The following DHRS4L2 variants were observed in gnomAD, a reference collection of about 807,000 sequenced individuals.
The protein encoded by DHRS4L2 is dehydrogenase/reductase 4 like 2.
A neutral mutation model predicts 23.9 loss-of-function variants in DHRS4L2; 22 were observed. The observed-to-expected ratio is 0.92, with a 90% CI of 0.66 to 1.31. The LOEUF is 1.31. DHRS4L2 is among the 40% of genes most tolerant of loss of function. DHRS4L2 has a pLI of 0.00. For missense variants in DHRS4L2, 385 were observed against 303.3 expected (o/e 1.27, Z -2.00); for synonymous variants, 141 against 123.7 (o/e 1.14, Z -0.93).
chr14:23,989,656 C>A (rs1317597367), intron 1 of DHRS4L2, among the ~76,000 whole-genome samples: 1 of 151,614 alleles, frequency 6.6e-6, no homozygotes, highest in Non-Finnish European at 1.5e-5. Context: ...AACTAAAATA[C>A]AAATGTAGAT....
At position 23,981,727 on chromosome 14, in the gene DHRS4L2, T is replaced by C. The variant is rs757034959; in HGVS notation, c.-175-8455T>C. On this transcript the variant is annotated intron_variant, in intron 1 of 5. Coordinates refer to the DHRS4L2 transcript ENST00000534993. ...GGAATGCAGCAGAAGAGCAGGGTGA[T>C]AGTGGGGAGAAAGTCAGCAAGAAAA... Among the ~76,000 whole-genome samples, 2 of 151,600 alleles carry C rather than the reference T, an allele frequency of 1.3e-5. 1 individual carries two copies. Among genetic ancestry groups the C allele is most frequent in the Non-Finnish European group, 2.9e-5 (2 of 67,894 alleles).
Position 24,004,274 on chromosome 14 carries a change from A to AG in DHRS4L2, c.666-63_666-62insG, listed in dbSNP as rs2034528422. ...AAAGAGCAAGACTCCGTCTCTAAAA[A>AG]AAAAAAAAAAAAAAGAAAGGAAAAG... is the stretch of plus-strand genomic sequence containing the variant. On this transcript the variant is annotated intron_variant, in intron 6 of 7. Coordinates refer to ENST00000335125, the MANE Select transcript of DHRS4L2 (RefSeq NM_198083.4). The AG allele has an allele frequency of 1.0e-5, 15 of 1,474,994 alleles. No individual in the cohort carries two copies. The South Asian group carries it at 1.1e-4, about 11-fold the overall frequency. The allele number at this position is 1,474,994 out of a possible 1,614,324, so 91.4% of individuals were successfully genotyped here. A position where few individuals can be genotyped will look rare whatever the true frequency, so the allele number is the denominator to read the frequency against.
upstream of DHRS4L2, among the ~76,000 whole-genome samples, chr14:23,985,030 T>C (rs1448154985): frequency 6.6e-6 from 1 of 151,340 alleles, no homozygotes; most frequent in Non-Finnish European, 1.5e-5. Flanking sequence ...CTTGACTTAG[T>C]GTAGGCTTGT....
intron 1 of DHRS4L2, among the ~76,000 whole-genome samples, chr14:23,982,511 C>G (rs1240986601): frequency 6.7e-6 from 1 of 149,130 alleles, no homozygotes; most frequent in Admixed American, 6.6e-5. Context: ...CAATCCAAAG[C>G]AAAAAGAACA....
At position 24,005,950 on chromosome 14, in the gene DHRS4L2, A is replaced by G; in HGVS notation, c.*87A>G. 1.2e-6 allele frequency: 2 copies of G among 1,611,830 alleles called. No homozygotes were observed. The highest frequency in any genetic ancestry group is 8.5e-7 in the Non-Finnish European group (1 of 1,179,198). ...CCTGTGCTCTGAAGATGCCAGCTACATCACTGGGGAAACAGTGGTGGTGGG... is the reference window on the plus strand; with the variant it reads ...CCTGTGCTCTGAAGATGCCAGCTACGTCACTGGGGAAACAGTGGTGGTGGG... On this transcript the variant is annotated 3_prime_UTR_variant, in exon 8 of 8. Coordinates refer to ENST00000335125, the MANE Select transcript of DHRS4L2 (RefSeq NM_198083.4).
intron 3 of DHRS4L2, among the ~76,000 whole-genome samples, chr14:23,999,344 TAAAAAAAAAAAAAAA>T (rs71426825): frequency 7.5e-5 from 4 of 53,678 alleles, no homozygotes; most frequent in South Asian, 9.2e-4. Context: ...CTCCAATTTG[TAAAAAAAAAAAAAAA>T]AAAAAAAAAA....
chr14:23,974,766 C>T (rs1011562011), intron 1 of DHRS4L2, among the ~76,000 whole-genome samples: 9 of 151,712 alleles, frequency 5.9e-5, no homozygotes, highest in South Asian at 2.1e-4. Context: ...AATAGCCTAC[C>T]AAACCAAAAA....
At chr14:23,970,919 T>TAGCATCAACATCAGCAAAGGAC (rs1566483387) in intron 1 of DHRS4L2, among the ~76,000 whole-genome samples, 2 of 151,980 alleles carry the variant, frequency 1.3e-5, no homozygotes, top group African/African-American at 4.8e-5. Context: ...CAGAAAGGAA[T>TAGCATCAACATCAGCAAAGGAC]AGCATCAACA....
chr14:24,005,825 C>T, intron 7 of DHRS4L2, 61 bp from the exon 8 acceptor site: 1 of 1,597,988 alleles, frequency 6.3e-7, no homozygotes, highest in South Asian at 1.1e-5. Flanking sequence ...CCCCGTGTCC[C>T]AGGTGAGGGA....
chr14:23,999,509 A>G lies in DHRS4L2; in HGVS notation c.409-1354A>G, dbSNP rs1277717131. Among the ~76,000 whole-genome samples the G allele has an allele frequency of 3.3e-5, 5 of 149,780 alleles. No individual in the cohort carries two copies. In the East Asian group the frequency reaches 9.7e-4, roughly 29 times the overall value. On this transcript the variant is annotated intron_variant, in intron 3 of 7. Coordinates refer to ENST00000335125, the MANE Select transcript of DHRS4L2 (RefSeq NM_198083.4). Reference sequence around the variant, plus strand: ...TTGAACTCTGGACTTTAAAAAACACACACACACATTTGGGGGATAATTGAG... The same window carrying G: ...TTGAACTCTGGACTTTAAAAAACACGCACACACATTTGGGGGATAATTGAG...
rs189820550 is a variant in DHRS4L2 at position 23,983,581 on chromosome 14, C to T, written c.-175-6601C>T. 8.1e-4 allele frequency among the ~76,000 whole-genome samples: 123 copies of T among 151,804 alleles called. 1 individual carries two copies. The highest frequency in any genetic ancestry group is 2.5e-3 in the Admixed American group (38 of 15,266). ...ATTCTACTATAAAGACACATGCACA[C>T]ATATGCTTATTGCAGCACTGTTCAC... On this transcript the variant is annotated intron_variant, in intron 1 of 5. Transcript: ENST00000534993.
intron 6 of DHRS4L2, 51 bp downstream of exon 6, chr14:24,001,568 T>A (rs2034491130): frequency 6.3e-7 from 1 of 1,586,828 alleles, no homozygotes; most frequent in African/African-American, 1.5e-5. Flanking sequence ...AAGGCATCCA[T>A]CTTCTTGGAC....
chr14:24,004,428 T>G (rs199962599), intron 7 of DHRS4L2, 36 bp downstream of exon 7: 10 of 1,549,868 alleles, frequency 6.5e-6, no homozygotes, highest in African/African-American at 1.5e-5. Flanking sequence ...CTAAGAGACA[T>G]GAAGATGGGA....
chr14:23,993,589 CTTG>C (rs112010618), intron 2 of DHRS4L2, among the ~76,000 whole-genome samples: 3,368 of 151,650 alleles, frequency 0.022, 104 homozygotes, highest in Middle Eastern at 0.054. Flanking sequence ...ACTGAAAACC[CTTG>C]TTGGCAGATT....
Position 24,004,360 on chromosome 14 carries a change from G to C in DHRS4L2, c.689G>C (p.Arg230Thr). ...AGCTCTGGATGGACAAGGAAAAAGA[G>C]GAAAGCATGAAAGAAACCCTGCGGA... The part of the protein sequence containing the change: ...AGCSGWTRKK[R>T]KA Residue 230 changes from arginine to threonine, a missense_variant, in exon 7 of 8, where the codon AGG (arginine) becomes ACG (threonine). Physicochemically the swap from Arg to Thr is moderately conservative, Grantham distance 71. Transcript: ENST00000335125. 3.7e-6 allele frequency: 6 copies of C among 1,603,984 alleles called. No individual in the cohort carries two copies. Among genetic ancestry groups the C allele is most frequent in the Non-Finnish European group, 5.1e-6 (6 of 1,178,598 alleles).
In DHRS4L2 at chr14:23,982,011, C is replaced by T. The variant is rs570777044; in HGVS notation, c.-175-8171C>T. Reference sequence around the variant, plus strand: ...GGGCAGGCAGGAGACAGTGGCCTTCCTCTATCTCAACTGCAAGAGGCCTTC... The same window carrying T: ...GGGCAGGCAGGAGACAGTGGCCTTCTTCTATCTCAACTGCAAGAGGCCTTC... On this transcript the variant is annotated intron_variant, in intron 1 of 5. Transcript: ENST00000534993. Among the ~76,000 whole-genome samples, 127 of 151,658 alleles carry T rather than the reference C, an allele frequency of 8.4e-4. 1 individual carries two copies. Among genetic ancestry groups the T allele is most frequent in the African/African-American group, 3.0e-3 (125 of 41,370 alleles).
intron 3 of DHRS4L2, 106 bp from the exon 4 acceptor site, chr14:24,000,757 G>A (rs1466216744): frequency 1.6e-4 from 160 of 973,842 alleles, no homozygotes; most frequent in Middle Eastern, 2.2e-4. Context: ...TAAGATCTTC[G>A]TCAGCTCTGA....
intron 1 of DHRS4L2, among the ~76,000 whole-genome samples, chr14:23,981,017 GTC>G (rs2034041924): frequency 6.6e-6 from 1 of 151,718 alleles, no homozygotes; most frequent in Admixed American, 6.6e-5. Flanking sequence ...AAGTCAAATT[GTC>G]TCTGTTTGCA....
At chr14:23,991,101 G>C (rs1204632081) in intron 2 of DHRS4L2, 1 of 159,798 alleles carries the variant, frequency 6.3e-6, no homozygotes, top group African/African-American at 2.4e-5. Context: ...TTATTTCCCA[G>C]AGTGGAAGGG....
Sources: gnomAD v4.1 joint callset for allele counts (sites outside exome capture counted in the v4.1 genomes callset) on GRCh38, gnomAD v4.1.1 for gene constraint, MANE v1.5 for transcripts, NCBI Gene and HGNC (gene_info 2026-07-23, HGNC 2026-07-21) for gene names.